The following SVIL variants were observed in gnomAD, a reference collection of about 807,000 sequenced individuals.
The protein encoded by SVIL is archvillin.
In SVIL, 101 loss-of-function variants were observed where a neutral mutation model predicts 240.4. The observed-to-expected ratio is 0.42, with a 90% CI of 0.36 to 0.50. SVIL has a LOEUF of 0.50. SVIL is among the 20% of genes least tolerant of loss of function. SVIL has a pLI of 0.01. For missense variants in SVIL, 2,512 were observed against 2,818.7 expected, an observed-to-expected ratio of 0.89 and a Z score of 2.46; for synonymous variants, 999 against 1,100.0, an observed-to-expected ratio of 0.91 and a Z score of 1.82.
At chr10:29,493,054 C>A (rs547695790) in intron 21 of SVIL, among the ~76,000 whole-genome samples, 160 bp downstream of exon 21, 2 of 152,290 alleles carry the variant, frequency 1.3e-5, no homozygotes, top group African/African-American at 4.8e-5. Context: ...GTGCCCCTGG[C>A]TCCTGCAACA....
chr10:29,512,216 A>T (rs1416892518), intron 17 of SVIL, among the ~76,000 whole-genome samples: 4 of 152,186 alleles, frequency 2.6e-5, no homozygotes, highest in African/African-American at 9.7e-5. Flanking sequence ...ATTTTGTTTC[A>T]ACTTATACAT....
At chr10:29,648,472 G>A (rs1445596763) in intron 3 of SVIL, among the ~76,000 whole-genome samples, 1 of 152,170 alleles carries the variant, frequency 6.6e-6, no homozygotes, top group Non-Finnish European at 1.5e-5. Flanking sequence ...AGTGGCACCT[G>A]CTTTGTACCG....
chr10:29,565,348 G>A (rs1225070572), intron 2 of SVIL, among the ~76,000 whole-genome samples: 6 of 152,178 alleles, frequency 3.9e-5, no homozygotes, highest in African/African-American at 9.7e-5. Flanking sequence ...CTCGAAACAC[G>A]CTACAAATAG....
At chr10:29,471,066 C>T (rs1588848359) in intron 31 of SVIL, 72 bp downstream of exon 31, 3 of 1,367,934 alleles carry the variant, frequency 2.2e-6, no homozygotes, top group Admixed American at 2.0e-5. Context: ...TCACTTTCAG[C>T]CCCCAGCTTA....
At chr10:29,565,163 A>G (rs1336562845) in intron 2 of SVIL, among the ~76,000 whole-genome samples, 3 of 152,234 alleles carry the variant, frequency 2.0e-5, no homozygotes, top group African/African-American at 4.8e-5. Context: ...CTTATTTTCA[A>G]AAATAAACAT....
chr10:29,603,516 G>C (rs1956893528), intron 1 of SVIL, among the ~76,000 whole-genome samples: 1 of 133,116 alleles, frequency 7.5e-6, no homozygotes, highest in Admixed American at 7.8e-5. Flanking sequence ...AAACAGCTCT[G>C]GCTCCCAAGA....
intron 1 of SVIL, among the ~76,000 whole-genome samples, chr10:29,625,214 A>G (rs1342263546): frequency 6.6e-6 from 1 of 152,258 alleles, no homozygotes; most frequent in African/African-American, 2.4e-5. Context: ...AGTTAAGACT[A>G]CCTTTCTTTT....
intron 20 of SVIL, 83 bp downstream of exon 20, chr10:29,494,831 T>A (rs6481599): frequency 7.5e-7 from 1 of 1,335,168 alleles, no homozygotes; most frequent in Admixed American, 2.0e-5. Flanking sequence ...CCAAAACTTC[T>A]TTTTTTTGGC....
intron 3 of SVIL, among the ~76,000 whole-genome samples, chr10:29,562,153 A>G (rs1208428787): frequency 1.3e-5 from 2 of 152,152 alleles, no homozygotes; most frequent in African/African-American, 4.8e-5. Context: ...CCTTCCATCA[A>G]ATCTGTTTCT....
intron 1 of SVIL, among the ~76,000 whole-genome samples, chr10:29,708,417 T>TCAAGA (rs1963056096): frequency 6.6e-6 from 1 of 151,456 alleles, no homozygotes; most frequent in South Asian, 2.1e-4. Context: ...GGTCAGGAGT[T>TCAAGA]CAAGACCAGC....
At chr10:29,469,856 G>A (rs3780854) in intron 32 of SVIL, among the ~76,000 whole-genome samples, 38,200 of 152,178 alleles carry the variant, frequency 0.25, 5,343 homozygotes, top group East Asian at 0.54. Context: ...CACAGATGGC[G>A]GTTTCCCACA....
At chr10:29,533,521 T>C in intron 7 of SVIL, 63 bp from the exon 8 acceptor site, 1 of 1,535,268 alleles carries the variant, frequency 6.5e-7, no homozygotes, top group Non-Finnish European at 8.7e-7. Flanking sequence ...GAGGAAAGCA[T>C]GCGTAGATCA....
In SVIL at chr10:29,465,182, GGT is replaced by G. The variant is rs1298373137; in HGVS notation, c.6133+411_6133+412del. Among the ~76,000 whole-genome samples the G allele has an allele frequency of 9.2e-5, 14 of 152,270 alleles. No homozygotes were observed. In the East Asian group the frequency reaches 2.7e-3, roughly 29 times the overall value. ...GATTAAAGAGAGAGAGTGGCTATTA[GGT>G]GGGCTTTTTTCCTTCCCCTTTCTTT... On this transcript the variant is annotated intron_variant, in intron 34 of 37. Coordinates refer to ENST00000355867, the MANE Select transcript of SVIL (RefSeq NM_021738.3).
At chr10:29,506,635 A>AG (rs1554826538) in intron 17 of SVIL, among the ~76,000 whole-genome samples, 2 of 136,448 alleles carry the variant, frequency 1.5e-5, no homozygotes, top group Admixed American at 7.2e-5. Flanking sequence ...CAGAGGCCCT[A>AG]GAGGGAGGGG....
At position 29,732,706 on chromosome 10, in the gene SVIL, T is replaced by C. The variant is rs138416007; in HGVS notation, c.-400+3045A>G. ...CTTTAAACAGACTATCAGAAAATACTACATTTTCCAAGGAAATGGTCCCTC... is the reference window on the plus strand; with the variant it reads ...CTTTAAACAGACTATCAGAAAATACCACATTTTCCAAGGAAATGGTCCCTC... On this transcript the variant is annotated intron_variant, in intron 1 of 35. Coordinates refer to the SVIL transcript ENST00000375400. Among the ~76,000 whole-genome samples, 242 of 152,376 alleles carry C rather than the reference T, an allele frequency of 1.6e-3. 2 individuals carry two copies. In the East Asian group the frequency reaches 0.033, roughly 21 times the overall value.
intron 2 of SVIL, among the ~76,000 whole-genome samples, chr10:29,661,255 A>G (rs979207962): frequency 2.0e-5 from 3 of 152,180 alleles, no homozygotes; most frequent in Non-Finnish European, 4.4e-5. Context: ...CTCAGTCACT[A>G]GAGAGTAAAA....
chr10:29,627,246 G>A (rs953852369), intron 1 of SVIL, among the ~76,000 whole-genome samples: 1 of 151,734 alleles, frequency 6.6e-6, no homozygotes, highest in African/African-American at 2.4e-5. Context: ...CCAGATACAA[G>A]GTGTTGCCTT....
chr10:29,477,502 C>G (rs183417690), intron 29 of SVIL, among the ~76,000 whole-genome samples: 21 of 152,164 alleles, frequency 1.4e-4, no homozygotes, highest in Non-Finnish European at 2.6e-4. Context: ...GGAGGCTGTA[C>G]CACCTGTGCA....
At chr10:29,553,997 C>A (rs931519300) in intron 5 of SVIL, among the ~76,000 whole-genome samples, 2 of 152,136 alleles carry the variant, frequency 1.3e-5, no homozygotes, top group Non-Finnish European at 2.9e-5. Context: ...AAAGACACAG[C>A]TTCTGCCTTT....
Sources: allele counts gnomAD v4.1 joint callset (sites outside exome capture counted in the v4.1 genomes callset), GRCh38; gene constraint gnomAD v4.1.1; transcripts MANE v1.5; gene names NCBI Gene and HGNC (gene_info 2026-07-23, HGNC 2026-07-21).